Variants in VWA3B observed in about 807,000 individuals in gnomAD.
VWA3B encodes the protein von Willebrand factor A domain containing 3B.
Under a neutral mutation model 158.3 loss-of-function variants are expected in VWA3B, and 138 were observed. The ratio of observed to expected loss-of-function variants is 0.87; its 90% CI spans 0.76 to 1.00. VWA3B has a LOEUF of 1.00. Among genes scored for constraint, VWA3B ranks in the 50% least tolerant of loss-of-function variants. VWA3B has a pLI of 0.00. For missense variants in VWA3B, 1,555 were observed against 1,565.1 expected (o/e 0.99, Z 0.11); for synonymous variants, 596 against 587.3 (o/e 1.01, Z -0.21).
chr2:98,251,544 C>T (rs1372526727), intron 20 of VWA3B, among the ~76,000 whole-genome samples: 1 of 152,136 alleles, frequency 6.6e-6, no homozygotes, highest in Non-Finnish European at 1.5e-5. Context: ...CTTAATTAAA[C>T]TCTGAGCATT....
chr2:98,137,300 C>T (rs573276546), intron 7 of VWA3B, among the ~76,000 whole-genome samples: 2 of 152,336 alleles, frequency 1.3e-5, no homozygotes, highest in South Asian at 4.1e-4. Context: ...TCCTGGCCAA[C>T]ACTTGTTATT....
chr2:98,235,598 G>A (rs1022220877), intron 17 of VWA3B, among the ~76,000 whole-genome samples: 1 of 152,068 alleles, frequency 6.6e-6, no homozygotes, highest in Non-Finnish European at 1.5e-5. Flanking sequence ...GCTAATTTTT[G>A]TATTTTTAGT....
intron 4 of VWA3B, among the ~76,000 whole-genome samples, chr2:98,120,333 C>CA (rs1353232489): frequency 6.6e-6 from 1 of 152,178 alleles, no homozygotes; most frequent in Non-Finnish European, 1.5e-5. Flanking sequence ...ACCTCCCTGA[C>CA]AAAAAACATC....
At position 98,296,272 on chromosome 2, in the gene VWA3B, A is replaced by G. The variant is rs187146245; in HGVS notation, c.3158-1635A>G. Among the ~76,000 whole-genome samples, 3 of 152,246 alleles carry G rather than the reference A, an allele frequency of 2.0e-5. No individual in the cohort carries two copies. The East Asian group carries it at 5.8e-4, about 29-fold the overall frequency. ...ACCCTTCCCTGGGGCCGTGGGAGGG[A>G]CGTGGGGCACACAGTGCGTGGCAGG... On this transcript the variant is annotated intron_variant, in intron 23 of 27. Transcript: ENST00000477737.
intron 2 of VWA3B, among the ~76,000 whole-genome samples, chr2:98,113,386 A>T (rs559142550): frequency 8.5e-4 from 130 of 152,208 alleles, no homozygotes; most frequent in Non-Finnish European, 1.7e-3. Flanking sequence ...GGCCCTCTGT[A>T]TGAGTGGGTT....
chr2:98,315,935 T>C (rs1468816860), downstream of VWA3B, among the ~76,000 whole-genome samples: 6 of 152,190 alleles, frequency 3.9e-5, no homozygotes, highest in East Asian at 1.2e-3. Context: ...AAAAACCTCA[T>C]TTACAATGAC....
the VWA3B span, among the ~76,000 whole-genome samples, chr2:98,319,845 A>G: frequency 6.6e-6 from 1 of 151,172 alleles, no homozygotes; most frequent in African/African-American, 2.4e-5. Flanking sequence ...ACGCCACTGC[A>G]CTCCAACCTG....
At chr2:98,103,052 C>T (rs1378154467) in intron 2 of VWA3B, among the ~76,000 whole-genome samples, 1 of 152,132 alleles carries the variant, frequency 6.6e-6, no homozygotes, top group Non-Finnish European at 1.5e-5. Context: ...TCATAATATG[C>T]CCTTAACAGC....
At chr2:98,204,440 C>T (rs1682842462) in intron 12 of VWA3B, among the ~76,000 whole-genome samples, 1 of 152,148 alleles carries the variant, frequency 6.6e-6, no homozygotes, top group African/African-American at 2.4e-5. Context: ...CATTCTATTC[C>T]TAATGTACTG....
At chr2:98,272,746 A>ATAAATATATATATGCCATG (rs1168985979) in intron 22 of VWA3B, among the ~76,000 whole-genome samples, 38 of 152,266 alleles carry the variant, frequency 2.5e-4, no homozygotes, top group Non-Finnish European at 4.4e-4. Flanking sequence ...TATATGCCAT[A>ATAAATATATATATGCCATG]TAAATATATA....
At chr2:98,297,362 G>A (rs1004882258) in intron 23 of VWA3B, among the ~76,000 whole-genome samples, 6 of 152,210 alleles carry the variant, frequency 3.9e-5, no homozygotes, top group African/African-American at 1.4e-4. Flanking sequence ...GATTACAGGT[G>A]TGAGCCACCA....
At chr2:98,255,343 T>C (rs531494594) in intron 20 of VWA3B, among the ~76,000 whole-genome samples, 1 of 151,750 alleles carries the variant, frequency 6.6e-6, no homozygotes, top group East Asian at 1.9e-4. Context: ...GAAGCAGTGT[T>C]TTTTAATGGA....
At chr2:98,262,662 T>C (rs1687558413) in intron 21 of VWA3B, among the ~76,000 whole-genome samples, 1 of 151,822 alleles carries the variant, frequency 6.6e-6, no homozygotes, top group Admixed American at 6.6e-5. Context: ...CTGCTTTGAT[T>C]ACACTACAGT....
chr2:98,236,884 G>A lies in VWA3B; in HGVS notation c.2673+154G>A, dbSNP rs935401049. On this transcript the variant is annotated intron_variant, in intron 19 of 27. Transcript: ENST00000477737. Reference sequence around the variant, plus strand: ...AAGGCAGTAAAAGGGAGAGAGAGAGGCTTTTAAGAATTTGGGCGCGGTGGC... The same window carrying A: ...AAGGCAGTAAAAGGGAGAGAGAGAGACTTTTAAGAATTTGGGCGCGGTGGC... The A allele has an allele frequency of 7.0e-5, 81 of 1,156,274 alleles. No homozygotes were observed. The South Asian group carries it at 1.3e-3, about 19-fold the overall frequency. 71.6% of individuals were successfully genotyped at this position (1,156,274 alleles called of 1,614,324 possible).
intron 5 of VWA3B, among the ~76,000 whole-genome samples, chr2:98,123,577 C>T (rs1465041776): frequency 1.3e-5 from 2 of 152,138 alleles, no homozygotes; most frequent in Admixed American, 6.5e-5. Context: ...AATGCTGGCT[C>T]GACACATAGC....
At chr2:98,260,223 T>TC (rs1687397437) in intron 21 of VWA3B, among the ~76,000 whole-genome samples, 1 of 151,730 alleles carries the variant, frequency 6.6e-6, no homozygotes, top group African/African-American at 2.4e-5. Context: ...TGGATATGTT[T>TC]GTTAAGTCTA....
intron 6 of VWA3B, chr2:98,133,619 C>T: frequency 1.9e-6 from 1 of 532,516 alleles, no homozygotes; most frequent in Non-Finnish European, 3.3e-6. Flanking sequence ...GTTAAAATCC[C>T]ACATCATTCA....
At chr2:98,234,188 A>T (rs966699387) in intron 16 of VWA3B, among the ~76,000 whole-genome samples, 2 of 152,242 alleles carry the variant, frequency 1.3e-5, no homozygotes, top group African/African-American at 4.8e-5. Context: ...GTCCAGTGTA[A>T]CTGTGGGAAC....
chr2:98,189,300 G>A lies in VWA3B; in HGVS notation c.1466+1171G>A, dbSNP rs1345265916. Among the ~76,000 whole-genome samples the A allele has an allele frequency of 9.2e-5, 14 of 152,150 alleles. No homozygotes were observed. In the East Asian group the frequency reaches 9.6e-4, roughly 10 times the overall value. On this transcript the variant is annotated intron_variant, in intron 10 of 27. Transcript: ENST00000477737. Reference sequence around the variant, plus strand: ...CGGGCACCTGTAGTCCCAGCCGTTCGGGAGGCTGAGGCAGGAGAATCGCTT... The same window carrying A: ...CGGGCACCTGTAGTCCCAGCCGTTCAGGAGGCTGAGGCAGGAGAATCGCTT...
Sources: gnomAD v4.1 joint callset for allele counts (sites outside exome capture counted in the v4.1 genomes callset) on GRCh38, gnomAD v4.1.1 for gene constraint, MANE v1.5 for transcripts, NCBI Gene and HGNC (gene_info 2026-07-23, HGNC 2026-07-21) for gene names.